VRK2: variants seen among roughly 807,000 people sequenced by gnomAD.
VRK2 encodes VRK serine/threonine kinase 2, also known as serine/threonine-protein kinase VRK2.
A neutral mutation model predicts 57.6 loss-of-function variants in VRK2; 60 were observed. That is an observed-to-expected ratio of 1.04 (90% CI 0.85 to 1.29). The LOEUF is 1.29. VRK2 is among the 50% of genes most tolerant of loss of function. The pLI is 0.00. For synonymous variants in VRK2, 231 were observed against 199.2 expected, an observed-to-expected ratio of 1.16 and a Z score of -1.35; for missense variants, 705 against 588.1, an observed-to-expected ratio of 1.20 and a Z score of -2.06.
chr2:58,039,436 T>C (rs1194853119), intron 3 of VRK2, among the ~76,000 whole-genome samples: 3 of 152,184 alleles, frequency 2.0e-5, no homozygotes, highest in Non-Finnish European at 2.9e-5. Flanking sequence ...CTACATCCAA[T>C]AGGATTGAAT....
chr2:58,085,081 A>G, intron 4 of VRK2, 131 bp downstream of exon 4: 1 of 719,580 alleles, frequency 1.4e-6, no homozygotes, highest in Non-Finnish European at 2.2e-6. Context: ...TGATACAGTT[A>G]ACTGTTACAA....
chr2:58,070,449 T>C (rs912403028), intron 2 of VRK2, among the ~76,000 whole-genome samples: 1 of 152,198 alleles, frequency 6.6e-6, no homozygotes, highest in African/African-American at 2.4e-5. Flanking sequence ...GAAATTGCCT[T>C]GTGCTACACC....
intron 1 of VRK2, among the ~76,000 whole-genome samples, chr2:57,994,205 G>A (rs1672855174): frequency 6.6e-6 from 1 of 152,148 alleles, no homozygotes; most frequent in Non-Finnish European, 1.5e-5. Flanking sequence ...AATCAGAAAG[G>A]TGTAAGGTCA....
chr2:57,965,940 C>G (rs565345693), intron 1 of VRK2, among the ~76,000 whole-genome samples: 2 of 152,212 alleles, frequency 1.3e-5, no homozygotes, highest in African/African-American at 4.8e-5. Flanking sequence ...TACACCTCAC[C>G]AAGGCCTGCA....
chr2:58,017,332 G>C (rs1673616735), intron 1 of VRK2, among the ~76,000 whole-genome samples: 1 of 152,180 alleles, frequency 6.6e-6, no homozygotes. Context: ...GACTACTCCA[G>C]GGAGCTCAAT....
At chr2:58,048,559 AC>A in intron 1 of VRK2, 1 of 1,393,144 alleles carries the variant, frequency 7.2e-7, no homozygotes, top group South Asian at 1.2e-5. Context: ...GTGCTATAGA[AC>A]CCCGAAATGA....
intron 1 of VRK2, among the ~76,000 whole-genome samples, chr2:57,922,796 C>A (rs987678603): frequency 6.6e-6 from 1 of 151,684 alleles, no homozygotes. Flanking sequence ...AAATTATTGT[C>A]GATTATAGGT....
chr2:58,106,570 G>A (rs377667285), intron 7 of VRK2, among the ~76,000 whole-genome samples: 6 of 152,014 alleles, frequency 3.9e-5, no homozygotes, highest in Admixed American at 6.6e-5. Flanking sequence ...TTTTCTGGTG[G>A]TTATCCAATA....
At chr2:58,067,132 G>A (rs1040875080) in intron 2 of VRK2, among the ~76,000 whole-genome samples, 3 of 152,284 alleles carry the variant, frequency 2.0e-5, no homozygotes, top group Admixed American at 6.5e-5. Context: ...AAGACTGCAG[G>A]TTCTTCAGCT....
At chr2:57,930,711 G>A (rs919606196) in intron 1 of VRK2, among the ~76,000 whole-genome samples, 1 of 152,056 alleles carries the variant, frequency 6.6e-6, no homozygotes, top group African/African-American at 2.4e-5. Flanking sequence ...ACAACTGAAA[G>A]CTTATACCCA....
chr2:58,033,029 T>G (rs967697092), intron 2 of VRK2, among the ~76,000 whole-genome samples: 1 of 152,124 alleles, frequency 6.6e-6, no homozygotes, highest in Non-Finnish European at 1.5e-5. Flanking sequence ...TCACATTGGG[T>G]GTTAGGATTT....
chr2:57,927,692 A>C (rs1670584991), intron 1 of VRK2, among the ~76,000 whole-genome samples: 1 of 152,104 alleles, frequency 6.6e-6, no homozygotes, highest in Non-Finnish European at 1.5e-5. Context: ...CAGATTAAAA[A>C]ACTCCCTTTA....
At chr2:57,935,651 T>C (rs1323602423) in intron 1 of VRK2, among the ~76,000 whole-genome samples, 2 of 151,748 alleles carry the variant, frequency 1.3e-5, no homozygotes, top group Non-Finnish European at 2.9e-5. Context: ...TGACCTCTCT[T>C]CTCTGCTCTC....
chr2:57,954,632 C>G (rs1244490208), intron 1 of VRK2, among the ~76,000 whole-genome samples: 2 of 152,026 alleles, frequency 1.3e-5, no homozygotes, highest in Non-Finnish European at 2.9e-5. Flanking sequence ...CTTAGTGTTA[C>G]TAAGTTCAGA....
chr2:57,912,191 C>T (rs187449876), intron 1 of VRK2, among the ~76,000 whole-genome samples: 53 of 152,232 alleles, frequency 3.5e-4, no homozygotes, highest in African/African-American at 1.2e-3. Context: ...ATGAAATTAG[C>T]AAAAGAGCTA....
intron 1 of VRK2, among the ~76,000 whole-genome samples, chr2:57,959,422 A>G (rs1671686486): frequency 6.6e-6 from 1 of 152,156 alleles, no homozygotes; most frequent in Admixed American, 6.5e-5. Context: ...TCTAAATCAC[A>G]TACAAAACAT....
At chr2:58,034,823 A>T (rs1170718005) in intron 3 of VRK2, among the ~76,000 whole-genome samples, 1 of 151,904 alleles carries the variant, frequency 6.6e-6, no homozygotes, top group Non-Finnish European at 1.5e-5. Flanking sequence ...CCTTCAAAAT[A>T]TTTATTGAAC....
chr2:58,094,834 T>C (rs1672893834), intron 7 of VRK2, among the ~76,000 whole-genome samples: 1 of 152,218 alleles, frequency 6.6e-6, no homozygotes, highest in Non-Finnish European at 1.5e-5. Context: ...CTGATTTGTC[T>C]ATTTATATAA....
Position 58,146,533 on chromosome 2 carries a change from T to C in VRK2, c.1182+59T>C, listed in dbSNP as rs1456499102. On this transcript the variant is annotated intron_variant, in intron 12 of 12. Coordinates refer to ENST00000340157, the MANE Select transcript of VRK2 (RefSeq NM_006296.7). The stretch of plus-strand genomic sequence containing the variant: ...TTAATGTTACATTAGAATATGCCCT[T>C]TGGGAATAAAAACATCTTATTTTCT... The C allele has an allele frequency of 1.9e-6, 3 of 1,542,522 alleles. No homozygotes were observed. In the African/African-American group the frequency reaches 4.2e-5, roughly 21 times the overall value.
Sources: allele counts gnomAD v4.1 joint callset (sites outside exome capture counted in the v4.1 genomes callset), GRCh38; gene constraint gnomAD v4.1.1; transcripts MANE v1.5; gene names NCBI Gene and HGNC (gene_info 2026-07-23, HGNC 2026-07-21).